The following SPTBN4 variants were observed in gnomAD, a reference collection of about 807,000 sequenced individuals.
The protein encoded by SPTBN4 is spectrin beta chain, non-erythrocytic 4.
In SPTBN4, 96 loss-of-function variants were observed where a neutral mutation model predicts 277.8. The observed-to-expected ratio is 0.35, with a 90% CI of 0.29 to 0.41. The LOEUF (loss-of-function observed/expected upper bound fraction) is 0.41. Ranked by LOEUF, SPTBN4 falls within the 10% of genes least tolerant of loss-of-function variation. SPTBN4 has a pLI of 1.00. For missense variants in SPTBN4, 3,006 were observed against 3,595.7 expected, an observed-to-expected ratio of 0.84 and a Z score of 4.19; for synonymous variants, 1,481 against 1,580.3, an observed-to-expected ratio of 0.94 and a Z score of 1.49.
intron 12 of SPTBN4, among the ~76,000 whole-genome samples, chr19:40,505,758 GA>G (rs975100455): frequency 4.1e-4 from 62 of 151,882 alleles, no homozygotes; most frequent in Middle Eastern, 3.4e-3. Context: ...AAGGAAGAAA[GA>G]AAGGTGAACA....
intron 30 of SPTBN4, 54 bp downstream of exon 30, chr19:40,566,413 C>T: frequency 8.4e-6 from 12 of 1,429,284 alleles, no homozygotes; most frequent in Non-Finnish European, 1.1e-5. Flanking sequence ...GACCCCCACA[C>T]CCATGGCTCT....
intron 1 of SPTBN4, among the ~76,000 whole-genome samples, chr19:40,470,522 GT>G (rs1461899956): frequency 2.6e-5 from 4 of 152,016 alleles, no homozygotes; most frequent in Middle Eastern, 3.4e-3. Context: ...GGCCGGGCTG[GT>G]CTTGAACTCC....
chr19:40,484,926 C>T (rs918504079), intron 2 of SPTBN4, among the ~76,000 whole-genome samples: 10 of 147,600 alleles, frequency 6.8e-5, no homozygotes, highest in African/African-American at 2.6e-4. Flanking sequence ...AGTGAGACTC[C>T]GTCTCAAAAA....
chr19:40,498,954 A>G (rs1377937170), intron 7 of SPTBN4, among the ~76,000 whole-genome samples: 3 of 151,786 alleles, frequency 2.0e-5, no homozygotes, highest in Non-Finnish European at 2.9e-5. Flanking sequence ...TGCCCACTTT[A>G]GCCTCCTAAA....
At chr19:40,557,461 G>A in intron 26 of SPTBN4, 58 bp downstream of exon 26, 1 of 1,491,144 alleles carries the variant, frequency 6.7e-7, no homozygotes, top group Admixed American at 2.3e-5. Flanking sequence ...GTGGGCAGCA[G>A]AGTGGGCAAA....
chr19:40,562,705 A>G (rs1389504800), intron 27 of SPTBN4, among the ~76,000 whole-genome samples: 2 of 143,398 alleles, frequency 1.4e-5, no homozygotes, highest in Non-Finnish European at 3.1e-5. Context: ...GTGGTGGCAC[A>G]TGCCTGTAAT....
chr19:40,495,193 C>T (rs543956465), intron 6 of SPTBN4, among the ~76,000 whole-genome samples: 3 of 152,178 alleles, frequency 2.0e-5, no homozygotes, highest in Non-Finnish European at 2.9e-5. Flanking sequence ...GTCCAGGCCA[C>T]ATACCCTGTG....
chr19:40,486,118 C>T (rs1008160476), intron 2 of SPTBN4, among the ~76,000 whole-genome samples: 9 of 152,034 alleles, frequency 5.9e-5, no homozygotes, highest in Admixed American at 5.9e-4. Flanking sequence ...AGTGAGACCC[C>T]TGTCTCCACA....
chr19:40,574,128 A>G (rs1379661565), intron 35 of SPTBN4, among the ~76,000 whole-genome samples: 1 of 151,730 alleles, frequency 6.6e-6, no homozygotes, highest in Non-Finnish European at 1.5e-5. Context: ...ACAAAACAAA[A>G]CAAAACAAAA....
intron 20 of SPTBN4, among the ~76,000 whole-genome samples, chr19:40,536,836 A>T (rs930608589): frequency 6.6e-6 from 1 of 152,010 alleles, no homozygotes; most frequent in Non-Finnish European, 1.5e-5. Context: ...AGCAGGCTGG[A>T]CTGCAGTGGT....
At chr19:40,511,409 A>G (rs1263832618) in intron 13 of SPTBN4, among the ~76,000 whole-genome samples, 1 of 152,174 alleles carries the variant, frequency 6.6e-6, no homozygotes, top group African/African-American at 2.4e-5. Flanking sequence ...CTCTGTCTCA[A>G]TCAAACAAAC....
chr19:40,569,809 A>AG, intron 32 of SPTBN4, 83 bp downstream of exon 32: 5 of 1,336,598 alleles, frequency 3.7e-6, no homozygotes, highest in Non-Finnish European at 5.1e-6. Flanking sequence ...GCCAGTGCCT[A>AG]GCCCTGGCAG....
rs2081161477 is a variant in SPTBN4 at position 40,572,133 on chromosome 19, C to T, written c.7434C>T (p.His2478=). The stretch of plus-strand genomic sequence containing the variant: ...GTGGGGAACCGCTGCTCAGCCTGCA[C>T]AAGGCCACCAGCGAGGTGGCTAGTG... ...THGGEPLLSL[H]KATSEVASDY... is the part of the protein sequence containing the mutation. The change falls in exon 34 of 36, where the codon CAC becomes CAT. Residue 2478 remains histidine, a synonymous_variant. Coordinates refer to ENST00000598249, the MANE Select transcript of SPTBN4 (RefSeq NM_020971.3). The T allele has an allele frequency of 6.2e-7, 1 of 1,611,446 alleles. No individual in the cohort carries two copies. The highest frequency in any genetic ancestry group is 1.1e-5 in the South Asian group (1 of 90,774).
In SPTBN4 at chr19:40,556,155, G is replaced by T; in HGVS notation, c.5156G>T (p.Arg1719Leu). Residue 1719 changes from arginine to leucine, a missense_variant, in exon 25 of 36, where the codon CGC (arginine) becomes CTC (leucine). Physicochemically the swap from Arg to Leu is moderately radical, Grantham distance 102. Coordinates refer to ENST00000598249, the MANE Select transcript of SPTBN4 (RefSeq NM_020971.3). The stretch of plus-strand genomic sequence containing the variant: ...GCGCTCAAGGAGCTGGGTGAGGAGC[G>T]CCGGGTGGCTCTGGAACAGCAGTAC... The part of the protein sequence containing the change: ...YVALKELGEE[R>L]RVALEQQYWL... The T allele has an allele frequency of 6.2e-7, 1 of 1,613,250 alleles. No homozygotes were observed. Among genetic ancestry groups the T allele is most frequent in the Middle Eastern group, 1.9e-4 (1 of 5,402 alleles).
chr19:40,505,174 C>T lies in SPTBN4; in HGVS notation c.1665+1042C>T, dbSNP rs1469160550. ...CCGAGGTAGGCAGATTGCTTGAGCC[C>T]CAGAGTTTGAGACCAGCCTGATCAA... On this transcript the variant is annotated intron_variant, in intron 12 of 35. Transcript: ENST00000598249. Among the ~76,000 whole-genome samples, 4 of 147,562 alleles carry T rather than the reference C, an allele frequency of 2.7e-5. 1 individual carries two copies. Among genetic ancestry groups the T allele is most frequent in the African/African-American group, 1.0e-4 (4 of 39,710 alleles).
intron 18 of SPTBN4, among the ~76,000 whole-genome samples, chr19:40,529,737 C>T (rs898992668): frequency 1.3e-5 from 2 of 152,124 alleles, no homozygotes; most frequent in African/African-American, 4.8e-5. Flanking sequence ...ACTTTGGCCA[C>T]ATTAGAGATG....
chr19:40,519,967 T>C lies in SPTBN4; in HGVS notation c.3470T>C (p.Leu1157Pro), dbSNP rs1200191916. 1 of 1,542,054 alleles carries C rather than the reference T, an allele frequency of 6.5e-7. No homozygotes were observed. The highest frequency in any genetic ancestry group is 2.4e-5 in the East Asian group (1 of 41,446). ...ATCGTGGCGGCCAGCGAGGCGCTGC[T>C]GGCCGCCGACGGCGCAGAGCTGGGC... ...ARIVAASEALLAADGAELGPG... is the reference protein window; with the variant it reads ...ARIVAASEALPAADGAELGPG... The change falls in exon 16 of 36, where the codon CTG (leucine) becomes CCG (proline). Residue 1157 changes from leucine to proline, a missense_variant. Transcript: ENST00000598249. The surrounding 1 kb of genome is among the most constrained non-coding windows in gnomAD (Gnocchi z 5.7).
chr19:40,554,666 G>T lies in SPTBN4; in HGVS notation c.5084+20G>T. 1 of 1,594,058 alleles carries T rather than the reference G, an allele frequency of 6.3e-7. No individual in the cohort carries two copies. Among genetic ancestry groups the T allele is most frequent in the Non-Finnish European group, 8.5e-7 (1 of 1,171,452 alleles). On this transcript the variant is annotated intron_variant, in intron 24 of 35. Coordinates refer to ENST00000598249, the MANE Select transcript of SPTBN4 (RefSeq NM_020971.3). The surrounding 1 kb of genome is among the most constrained non-coding windows in gnomAD (Gnocchi z 5.7). Reference sequence around the variant, plus strand: ...GGACAGGTGGGCGGGCGCGTGGCCAGTTCACAGGAATGGTCCAGCAGGACC... The same window carrying T: ...GGACAGGTGGGCGGGCGCGTGGCCATTTCACAGGAATGGTCCAGCAGGACC...
At chr19:40,525,037 GCT>G (rs931937998) in intron 17 of SPTBN4, among the ~76,000 whole-genome samples, 3 of 151,928 alleles carry the variant, frequency 2.0e-5, no homozygotes, top group Admixed American at 1.3e-4. Flanking sequence ...AGGCTCTCTG[GCT>G]CTCTCCGGCA....
Sources: allele counts gnomAD v4.1 joint callset (sites outside exome capture counted in the v4.1 genomes callset), GRCh38; gene constraint gnomAD v4.1.1; non-coding constraint Gnocchi (gnomAD v3.1); transcripts MANE v1.5; gene names NCBI Gene and HGNC (gene_info 2026-07-23, HGNC 2026-07-21).